Variants in PDE11A observed in about 807,000 individuals in gnomAD.
The protein encoded by PDE11A is dual 3',5'-cyclic-AMP and -GMP phosphodiesterase 11A.
A neutral mutation model predicts 100.5 loss-of-function variants in PDE11A; 100 were observed. That is an observed-to-expected ratio of 1.00 (90% confidence interval 0.85 to 1.18). The LOEUF (loss-of-function observed/expected upper bound fraction) is 1.18, where lower values mean the gene tolerates loss of function less well. Ranked by LOEUF, PDE11A falls within the 50% of genes most tolerant of loss-of-function variation. The probability of loss-of-function intolerance (pLI) is 0.00; values close to 1 mark genes in which losing one functional copy is unlikely to be tolerated. For synonymous variants in PDE11A, 381 were observed against 420.8 expected (o/e 0.91, Z 1.16); for missense variants, 1,141 against 1,152.6 (o/e 0.99, Z 0.15).
intron 10 of PDE11A, among the ~76,000 whole-genome samples, chr2:177,751,181 T>C (rs890578907): frequency 2.0e-5 from 3 of 152,134 alleles, no homozygotes; most frequent in African/African-American, 7.2e-5. Flanking sequence ...AAGAAGCTTT[T>C]CCTGGGGTCA....
At chr2:177,927,671 C>G (rs1274787085) in intron 2 of PDE11A, among the ~76,000 whole-genome samples, 1 of 152,206 alleles carries the variant, frequency 6.6e-6, no homozygotes, top group Non-Finnish European at 1.5e-5. Context: ...GTAACCCAAT[C>G]TTTGCATTAG....
At chr2:177,924,931 C>T (rs1559009290) in intron 2 of PDE11A, among the ~76,000 whole-genome samples, 1 of 147,730 alleles carries the variant, frequency 6.8e-6, no homozygotes, top group Non-Finnish European at 1.5e-5. Flanking sequence ...TTCCTGTGTC[C>T]ATGTGATCTC....
intron 10 of PDE11A, among the ~76,000 whole-genome samples, chr2:177,757,425 A>G (rs567939952): frequency 6.6e-6 from 1 of 152,366 alleles, no homozygotes; most frequent in East Asian, 1.9e-4. Flanking sequence ...AATAAGAGCT[A>G]TGAAAGCACT....
intron 9 of PDE11A, among the ~76,000 whole-genome samples, chr2:177,797,727 C>T (rs2082725523): frequency 6.6e-6 from 1 of 152,182 alleles, no homozygotes; most frequent in Non-Finnish European, 1.5e-5. Flanking sequence ...TAGACCATGA[C>T]AGTGGTGGCA....
At chr2:177,666,530 C>G (rs1158805745) in intron 18 of PDE11A, among the ~76,000 whole-genome samples, 1 of 152,192 alleles carries the variant, frequency 6.6e-6, no homozygotes, top group Non-Finnish European at 1.5e-5. Flanking sequence ...GTATGAGCTT[C>G]CAATTTTTCC....
intron 19 of PDE11A, among the ~76,000 whole-genome samples, chr2:177,634,491 C>G (rs1299723158): frequency 2.0e-5 from 3 of 151,124 alleles, no homozygotes; most frequent in Admixed American, 2.0e-4. Context: ...CTGGTTCAAG[C>G]GATTCTCTTG....
chr2:177,880,306 C>T (rs757540383), intron 4 of PDE11A, among the ~76,000 whole-genome samples: 1 of 152,278 alleles, frequency 6.6e-6, no homozygotes. Flanking sequence ...TATCAGTTGA[C>T]CACTGGAGGA....
chr2:177,695,780 C>G (rs564023132), intron 15 of PDE11A, among the ~76,000 whole-genome samples: 1 of 152,320 alleles, frequency 6.6e-6, no homozygotes, highest in African/African-American at 2.4e-5. Context: ...TTCTAGCAAT[C>G]TCTTTGAGCT....
chr2:177,786,783 T>G (rs1248139175), intron 9 of PDE11A, among the ~76,000 whole-genome samples: 2 of 152,126 alleles, frequency 1.3e-5, no homozygotes, highest in Non-Finnish European at 2.9e-5. Flanking sequence ...GAAGAAAGGG[T>G]ATCAGTGATG....
chr2:177,860,963 C>A (rs2083935049), intron 5 of PDE11A, among the ~76,000 whole-genome samples: 1 of 151,580 alleles, frequency 6.6e-6, no homozygotes, highest in African/African-American at 2.4e-5. Flanking sequence ...GGACACTTAA[C>A]AAAAAATGCA....
chr2:178,006,076 A>T (rs992026853), intron 2 of PDE11A, among the ~76,000 whole-genome samples: 14 of 152,246 alleles, frequency 9.2e-5, no homozygotes, highest in African/African-American at 2.7e-4. Context: ...TTTGGAATTT[A>T]AAAATACACT....
chr2:177,686,697 A>ATTTTTT lies in PDE11A; in HGVS notation c.2346-5800_2346-5795dup, dbSNP rs202225715. The ATTTTTT allele has an allele frequency of 1.6e-3, 196 of 123,980 alleles. 3 individuals are homozygous for ATTTTTT. Among genetic ancestry groups the ATTTTTT allele is most frequent in the African/African-American group, 5.6e-3 (173 of 31,088 alleles). 7.7% of individuals were successfully genotyped at this position (123,980 alleles called of 1,614,324 possible). A position where few individuals can be genotyped will look rare whatever the true frequency, so the allele number is the denominator to read the frequency against. On this transcript the variant is annotated intron_variant, in intron 15 of 19. Coordinates refer to ENST00000286063, the MANE Select transcript of PDE11A (RefSeq NM_016953.4). ...AAAGTTTAAACCAAAGTACATGTAA[A>ATTTTTT]TTTTTTTTTTTTTTTTTTTTTTTTT...
chr2:177,994,819 T>A (rs190383367), intron 2 of PDE11A, among the ~76,000 whole-genome samples: 2 of 152,252 alleles, frequency 1.3e-5, no homozygotes, highest in East Asian at 3.9e-4. Context: ...TTTTTTTTAA[T>A]TACAAAAAGA....
At chr2:177,787,634 C>G (rs926225758) in intron 9 of PDE11A, among the ~76,000 whole-genome samples, 1 of 150,178 alleles carries the variant, frequency 6.7e-6, no homozygotes, top group Non-Finnish European at 1.5e-5. Context: ...GTGCTGTATT[C>G]AGGAAACCCA....
chr2:177,758,682 G>A (rs1375478371), intron 10 of PDE11A, among the ~76,000 whole-genome samples: 2 of 152,204 alleles, frequency 1.3e-5, no homozygotes, highest in Non-Finnish European at 2.9e-5. Context: ...CTGACCTGCT[G>A]ACCTCCAGAT....
intron 2 of PDE11A, among the ~76,000 whole-genome samples, chr2:177,916,878 A>G (rs962778932): frequency 1.3e-5 from 2 of 150,480 alleles, no homozygotes; most frequent in African/African-American, 4.9e-5. Flanking sequence ...CTCCTGGCTC[A>G]GCCTCCCGAG....
chr2:177,942,683 A>T (rs2085359125), intron 2 of PDE11A, among the ~76,000 whole-genome samples: 1 of 152,160 alleles, frequency 6.6e-6, no homozygotes, highest in African/African-American at 2.4e-5. Context: ...ATTTATAGGA[A>T]TGAGCCACCG....
At position 177,629,229 on chromosome 2, in the gene PDE11A, C is replaced by T. The variant is rs1332745455; in HGVS notation, c.*178G>A. On this transcript the variant is annotated 3_prime_UTR_variant, in exon 20 of 20. Transcript: ENST00000286063. ...TCCCTGCCCCACCTCTTTCTTTGTC[C>T]TTCCCGTTGCTCTCTCTGCTGCTGA... The T allele has an allele frequency of 1.5e-6, 1 of 666,882 alleles. No homozygotes were observed. Among genetic ancestry groups the T allele is most frequent in the Admixed American group, 2.2e-5 (1 of 45,462 alleles). 41.3% of individuals were successfully genotyped at this position (666,882 alleles called of 1,614,324 possible).
intron 4 of PDE11A, among the ~76,000 whole-genome samples, chr2:177,897,703 T>C (rs962483159): frequency 2.0e-5 from 3 of 152,184 alleles, no homozygotes; most frequent in Admixed American, 6.5e-5. Flanking sequence ...CTGAGGGCCT[T>C]ACCCTTCATA....
Sources: gnomAD v4.1 joint callset for allele counts (sites outside exome capture counted in the v4.1 genomes callset) on GRCh38, gnomAD v4.1.1 for gene constraint, MANE v1.5 for transcripts, NCBI Gene and HGNC (gene_info 2026-07-23, HGNC 2026-07-21) for gene names.